Variants in KIAA0825 observed in about 807,000 individuals in gnomAD.
The protein encoded by KIAA0825 is KIAA0825, also known as uncharacterized protein KIAA0825.
KIAA0825 carries 119 observed loss-of-function variants against 147.6 expected under a neutral mutation model. That is an observed-to-expected ratio of 0.81 (90% CI 0.69 to 0.94). The LOEUF (loss-of-function observed/expected upper bound fraction) is 0.94. KIAA0825 is among the 40% of genes least tolerant of loss of function. KIAA0825 has a pLI of 0.00. For missense variants in KIAA0825, 1,381 were observed against 1,472.7 expected (o/e 0.94, Z 1.02); for synonymous variants, 470 against 518.1 (o/e 0.91, Z 1.26).
intron 13 of KIAA0825, among the ~76,000 whole-genome samples, chr5:94,449,652 T>C (rs924354443): frequency 4.6e-5 from 7 of 152,220 alleles, no homozygotes; most frequent in African/African-American, 7.2e-5. Flanking sequence ...GCTGGACATA[T>C]ACCGTTGGGG....
intron 3 of KIAA0825, among the ~76,000 whole-genome samples, chr5:94,528,834 C>A (rs1769917598): frequency 6.6e-6 from 1 of 150,426 alleles, no homozygotes; most frequent in Non-Finnish European, 1.5e-5. Context: ...AATTTCAGCA[C>A]AATTTAATGA....
At chr5:94,305,501 G>A (rs929983516) in intron 20 of KIAA0825, among the ~76,000 whole-genome samples, 5 of 151,912 alleles carry the variant, frequency 3.3e-5, no homozygotes, top group African/African-American at 1.2e-4. Flanking sequence ...GATGTAAAAT[G>A]AGCTAAAGGC....
intron 15 of KIAA0825, chr5:94,414,237 A>T (rs1024004391): frequency 6.6e-6 from 1 of 152,198 alleles, no homozygotes; most frequent in Non-Finnish European, 1.5e-5. Context: ...AGTAAACAAT[A>T]CTTTTTGAGT....
chr5:94,454,291 G>A (rs1758804011), intron 12 of KIAA0825, among the ~76,000 whole-genome samples: 1 of 152,190 alleles, frequency 6.6e-6, no homozygotes, highest in African/African-American at 2.4e-5. Flanking sequence ...AGGAGCAATA[G>A]TGTCTTTTGA....
At chr5:94,481,299 G>A (rs1457124923) in intron 6 of KIAA0825, among the ~76,000 whole-genome samples, 2 of 152,010 alleles carry the variant, frequency 1.3e-5, no homozygotes, top group Admixed American at 6.6e-5. Context: ...CTACACTGCC[G>A]CTTTCTTTCA....
intron 20 of KIAA0825, among the ~76,000 whole-genome samples, chr5:94,343,611 C>T (rs545540289): frequency 1.3e-5 from 2 of 152,114 alleles, no homozygotes; most frequent in Non-Finnish European, 1.5e-5. Flanking sequence ...ATGGCGTGAA[C>T]CCGGGAAGCA....
chr5:94,419,943 G>A lies in KIAA0825; in HGVS notation c.2498-2578C>T, dbSNP rs1753960414. Among the ~76,000 whole-genome samples the A allele has an allele frequency of 1.3e-5, 2 of 152,032 alleles. 1 individual carries two copies. Among genetic ancestry groups the A allele is most frequent in the African/African-American group, 4.8e-5 (2 of 41,386 alleles). ...TTAAGTCTAAGTGATATAAGTATGA[G>A]GCACTGTGGAAATGCAGAGGATGAT... is the stretch of plus-strand genomic sequence containing the variant. On this transcript the variant is annotated intron_variant, in intron 14 of 20. Transcript: ENST00000682413.
intron 10 of KIAA0825, among the ~76,000 whole-genome samples, chr5:94,467,408 G>C (rs540952636): frequency 6.6e-6 from 1 of 152,278 alleles, no homozygotes; most frequent in Non-Finnish European, 1.5e-5. Context: ...ACAAGCAGCT[G>C]GGCTTTATTA....
At chr5:94,550,216 G>A (rs932753066) in intron 2 of KIAA0825, among the ~76,000 whole-genome samples, 1 of 152,170 alleles carries the variant, frequency 6.6e-6, no homozygotes, top group Non-Finnish European at 1.5e-5. Context: ...GTCCTGCACA[G>A]CTGGGAAACC....
chr5:94,173,855 C>T (rs1010396603), intron 20 of KIAA0825, among the ~76,000 whole-genome samples: 7 of 152,304 alleles, frequency 4.6e-5, no homozygotes, highest in Admixed American at 3.3e-4. Context: ...GGGAAAGCAA[C>T]ATAGAGCTTC....
chr5:94,471,502 T>C lies in KIAA0825; in HGVS notation c.1685A>G (p.Lys562Arg), dbSNP rs1215840074. ...TTCCTTCATCAAATTATCATATCGC[T>C]TGAAATGCTGGAAGACATACACCGC... Reference protein sequence around the residue: ...STAVYVFQHFKRYDNLMKEMT... With the variant: ...STAVYVFQHFRRYDNLMKEMT... Residue 562 changes from lysine to arginine, a missense_variant, in exon 9 of 21, where the codon AAG (lysine) becomes AGG (arginine). Lys to Arg is a conservative substitution (Grantham distance 26). Transcript: ENST00000682413. 1.1e-5 allele frequency: 17 copies of C among 1,551,970 alleles called. No homozygotes were observed. The highest frequency in any genetic ancestry group is 8.7e-7 in the Non-Finnish European group (1 of 1,147,082).
intron 20 of KIAA0825, among the ~76,000 whole-genome samples, chr5:94,337,484 C>A (rs538656687): frequency 6.6e-6 from 1 of 152,206 alleles, no homozygotes; most frequent in East Asian, 1.9e-4. Flanking sequence ...ATTTATTATT[C>A]TTTGACACTT....
intron 20 of KIAA0825, among the ~76,000 whole-genome samples, chr5:94,209,829 G>A (rs1409367341): frequency 6.6e-6 from 1 of 152,020 alleles, no homozygotes; most frequent in Non-Finnish European, 1.5e-5. Context: ...TCCCTATATG[G>A]CCTGCCTGTT....
chr5:94,460,348 A>G (rs1168820264), intron 12 of KIAA0825, among the ~76,000 whole-genome samples: 1 of 152,114 alleles, frequency 6.6e-6, no homozygotes, highest in African/African-American at 2.4e-5. Context: ...AAAAGAACAC[A>G]TATTTTTGCA....
chr5:94,371,830 A>G (rs1193097321), intron 20 of KIAA0825, among the ~76,000 whole-genome samples: 1 of 152,130 alleles, frequency 6.6e-6, no homozygotes, highest in African/African-American at 2.4e-5. Flanking sequence ...ATTCACTCCA[A>G]CATTAACCCA....
chr5:94,580,016 A>G (rs184804809), intron 2 of KIAA0825, among the ~76,000 whole-genome samples: 27 of 152,330 alleles, frequency 1.8e-4, no homozygotes, highest in Non-Finnish European at 2.9e-4. Context: ...GTGGTGATTT[A>G]ATAATAATGC....
chr5:94,242,818 G>A (rs993668286), intron 20 of KIAA0825, among the ~76,000 whole-genome samples: 3 of 151,952 alleles, frequency 2.0e-5, no homozygotes, highest in Non-Finnish European at 4.4e-5. Flanking sequence ...TAGAGATTAG[G>A]TTTTGCTATG....
intron 1 of KIAA0825, among the ~76,000 whole-genome samples, chr5:94,588,161 G>T (rs1783666749): frequency 6.6e-6 from 1 of 152,132 alleles, no homozygotes; most frequent in Admixed American, 6.5e-5. Flanking sequence ...AACAACAAAA[G>T]CAATGGGAAC....
intron 2 of KIAA0825, among the ~76,000 whole-genome samples, chr5:94,543,525 A>T (rs1773746400): frequency 6.6e-6 from 1 of 152,126 alleles, no homozygotes; most frequent in South Asian, 2.1e-4. Flanking sequence ...AATAAAATTT[A>T]AAAGTCTTGA....
Sources: gnomAD v4.1 joint callset for allele counts (sites outside exome capture counted in the v4.1 genomes callset) on GRCh38, gnomAD v4.1.1 for gene constraint, MANE v1.5 for transcripts, NCBI Gene and HGNC (gene_info 2026-07-23, HGNC 2026-07-21) for gene names.